Variants in RBFOX1 observed in about 807,000 individuals in gnomAD.
The protein encoded by RBFOX1 is RNA binding protein fox-1 homolog 1.
RBFOX1 carries 8 observed loss-of-function variants against 57.7 expected under a neutral mutation model. The ratio of observed to expected loss-of-function variants is 0.14; its 90% CI spans 0.08 to 0.25. RBFOX1 has a LOEUF of 0.25. RBFOX1 is among the 10% of genes least tolerant of loss of function. The pLI is 1.00. For synonymous variants in RBFOX1, 326 were observed against 222.4 expected (o/e 1.47, Z -4.15); for missense variants, 611 against 548.5 (o/e 1.11, Z -1.14).
intron 2 of RBFOX1, among the ~76,000 whole-genome samples, chr16:6,485,884 C>T (rs1229237916): frequency 6.6e-6 from 1 of 152,094 alleles, no homozygotes; most frequent in Non-Finnish European, 1.5e-5. Context: ...TCTGTATTTA[C>T]TCAGACTTGG....
chr16:6,161,802 A>G (rs2096881320), intron 1 of RBFOX1, among the ~76,000 whole-genome samples: 2 of 152,150 alleles, frequency 1.3e-5, no homozygotes, highest in East Asian at 1.9e-4. Flanking sequence ...TTGTGTTACT[A>G]TTACCAACAG....
chr16:6,518,037 C>T (rs931874385), intron 2 of RBFOX1, among the ~76,000 whole-genome samples: 11 of 152,112 alleles, frequency 7.2e-5, no homozygotes, highest in African/African-American at 2.2e-4. Flanking sequence ...AAGTTCTTGT[C>T]TGTCTTTGTT....
intron 2 of RBFOX1, among the ~76,000 whole-genome samples, chr16:5,497,231 T>C (rs560286894): frequency 6.6e-6 from 1 of 152,282 alleles, no homozygotes; most frequent in East Asian, 1.9e-4. Context: ...TTTGCTATTA[T>C]TATCTTTGAA....
At chr16:6,182,086 A>G (rs1253985731) in intron 1 of RBFOX1, among the ~76,000 whole-genome samples, 1 of 152,220 alleles carries the variant, frequency 6.6e-6, no homozygotes, top group African/African-American at 2.4e-5. Context: ...CAGGGAAAAT[A>G]CAAAAGCAAA....
intron 11 of RBFOX1, among the ~76,000 whole-genome samples, chr16:7,633,596 G>C (rs1464800282): frequency 2.0e-5 from 3 of 152,192 alleles, no homozygotes; most frequent in African/African-American, 7.2e-5. Context: ...CCATTAAAAA[G>C]CAAAATGAAA....
At chr16:5,444,316 C>T (rs1367855823) in intron 1 of RBFOX1, among the ~76,000 whole-genome samples, 2 of 152,204 alleles carry the variant, frequency 1.3e-5, no homozygotes, top group African/African-American at 4.8e-5. Context: ...CAAATCTGAT[C>T]ACTCAGAGCT....
chr16:5,831,523 G>C (rs964967388), intron 3 of RBFOX1, among the ~76,000 whole-genome samples: 1 of 131,200 alleles, frequency 7.6e-6, no homozygotes, highest in Non-Finnish European at 1.6e-5. Context: ...ATGGAGTTTC[G>C]CTCTTGTCCA....
chr16:6,948,151 G>A (rs946630217), intron 3 of RBFOX1, among the ~76,000 whole-genome samples: 2 of 151,998 alleles, frequency 1.3e-5, no homozygotes, highest in African/African-American at 4.8e-5. Flanking sequence ...ATGCCTTTCA[G>A]CCAGGCATGG....
chr16:6,575,762 C>T (rs1173548304), intron 2 of RBFOX1, among the ~76,000 whole-genome samples: 1 of 151,474 alleles, frequency 6.6e-6, no homozygotes, highest in East Asian at 1.9e-4. Flanking sequence ...GAGGCTGAGG[C>T]AGGAGAATCG....
At chr16:6,722,524 T>G (rs1038226767) in intron 3 of RBFOX1, among the ~76,000 whole-genome samples, 1 of 17,222 alleles carries the variant, frequency 5.8e-5, no homozygotes, top group Non-Finnish European at 6.8e-3. Context: ...ACTTGGCATT[T>G]TGCCAAGTCA....
intron 3 of RBFOX1, among the ~76,000 whole-genome samples, chr16:5,624,520 A>G (rs191101803): frequency 6.6e-6 from 1 of 152,304 alleles, no homozygotes; most frequent in East Asian, 1.9e-4. Context: ...TAAAGCTCGT[A>G]CCCAGGTGGG....
At chr16:5,776,410 G>C (rs140848610) in intron 3 of RBFOX1, among the ~76,000 whole-genome samples, 12 of 152,150 alleles carry the variant, frequency 7.9e-5, no homozygotes, top group Admixed American at 5.2e-4. Flanking sequence ...ATTTTAACCT[G>C]CATCCCTCTG....
chr16:6,639,708 C>G (rs1306300594), intron 2 of RBFOX1, among the ~76,000 whole-genome samples: 2 of 152,044 alleles, frequency 1.3e-5, no homozygotes, highest in African/African-American at 4.8e-5. Context: ...AACCCTGTCT[C>G]TACTAAAAAT....
intron 1 of RBFOX1, among the ~76,000 whole-genome samples, chr16:6,040,226 T>C (rs192818113): frequency 6.6e-6 from 1 of 152,364 alleles, no homozygotes; most frequent in African/African-American, 2.4e-5. Context: ...GTTACCGTCT[T>C]AACCATTTTG....
At chr16:6,994,211 A>C (rs1015602962) in intron 3 of RBFOX1, among the ~76,000 whole-genome samples, 1 of 152,108 alleles carries the variant, frequency 6.6e-6, no homozygotes, top group Non-Finnish European at 1.5e-5. Context: ...AAGGAGGAAA[A>C]CACTGCAGTA....
chr16:7,187,934 A>G (rs1290350792), intron 4 of RBFOX1, among the ~76,000 whole-genome samples: 3 of 152,160 alleles, frequency 2.0e-5, no homozygotes, highest in Non-Finnish European at 2.9e-5. Flanking sequence ...GCATGGGTCA[A>G]ATCACAGCAC....
At chr16:5,480,373 A>T (rs546662296) in intron 2 of RBFOX1, among the ~76,000 whole-genome samples, 1 of 130,846 alleles carries the variant, frequency 7.6e-6, no homozygotes, top group Non-Finnish European at 1.8e-5. Context: ...TCATGTATAG[A>T]TTATTTAAAA....
intron 4 of RBFOX1, among the ~76,000 whole-genome samples, chr16:7,280,145 G>T (rs1210072372): frequency 1.3e-5 from 2 of 152,184 alleles, no homozygotes; most frequent in Non-Finnish European, 2.9e-5. Flanking sequence ...ACAGAGTCTT[G>T]GTTCTTTGCA....
At chr16:6,573,470 C>G (rs1483555481) in intron 2 of RBFOX1, among the ~76,000 whole-genome samples, 2 of 152,162 alleles carry the variant, frequency 1.3e-5, no homozygotes, top group Non-Finnish European at 2.9e-5. Flanking sequence ...AATCAGGGAG[C>G]CTGCTGTCAC....
Sources: gnomAD v4.1 joint callset for allele counts (sites outside exome capture counted in the v4.1 genomes callset) on GRCh38, gnomAD v4.1.1 for gene constraint, MANE v1.5 for transcripts, NCBI Gene and HGNC (gene_info 2026-07-23, HGNC 2026-07-21) for gene names.